Variants in POLR3B observed in about 807,000 individuals in gnomAD.
The protein encoded by POLR3B is RNA polymerase III subunit B, also known as DNA-directed RNA polymerase III subunit RPC2.
Under a neutral mutation model 147.4 loss-of-function variants are expected in POLR3B, and 96 were observed. That is an observed-to-expected ratio of 0.65 (90% CI 0.55 to 0.77). The LOEUF (loss-of-function observed/expected upper bound fraction) is 0.77. Among genes scored for constraint, POLR3B ranks in the 30% least tolerant of loss-of-function variants. POLR3B has a pLI of 0.00. For missense variants in POLR3B, 1,036 were observed against 1,413.5 expected (o/e 0.73, Z 4.28); for synonymous variants, 461 against 485.9 (o/e 0.95, Z 0.67).
At chr12:106,472,320 C>T (rs1247075655) in intron 23 of POLR3B, among the ~76,000 whole-genome samples, 151 of 150,792 alleles carry the variant, frequency 1.0e-3, no homozygotes, top group African/African-American at 3.6e-3. Flanking sequence ...CCACAATAAA[C>T]ATACGTGTGC....
chr12:106,471,319 G>A (rs1016691815), intron 23 of POLR3B, among the ~76,000 whole-genome samples: 1 of 152,158 alleles, frequency 6.6e-6, no homozygotes, highest in South Asian at 2.1e-4. Flanking sequence ...AGACCATGGG[G>A]AAAGCACAGT....
At chr12:106,366,755 G>T in intron 4 of POLR3B, 33 bp downstream of exon 4, 1 of 1,477,340 alleles carries the variant, frequency 6.8e-7, no homozygotes, top group African/African-American at 1.4e-5. Flanking sequence ...TTGCTATGTG[G>T]GTTACATCTA....
At chr12:106,459,149 G>T in intron 21 of POLR3B, 102 bp from the exon 22 acceptor site, 1 of 760,640 alleles carries the variant, frequency 1.3e-6, no homozygotes, top group East Asian at 2.5e-5. Context: ...GCAGCCTCCT[G>T]AGTTGTTGGG....
At position 106,457,282 on chromosome 12, in the gene POLR3B, G is replaced by T; in HGVS notation, c.2438G>T (p.Gly813Val). 2 of 1,613,490 alleles carry T rather than the reference G, an allele frequency of 1.2e-6. No individual in the cohort carries two copies. Among genetic ancestry groups the T allele is most frequent in the Non-Finnish European group, 1.7e-6 (2 of 1,179,544 alleles). The change falls in exon 21 of 28, where the codon GGT (glycine) becomes GTT (valine). Residue 813 changes from glycine (G) to valine (V), a missense_variant. This residue lies in a region of POLR3B where 202 missense variants were observed against 272.8 expected (regional missense o/e 0.74). Coordinates refer to ENST00000228347, the MANE Select transcript of POLR3B (RefSeq NM_018082.6). The stretch of plus-strand genomic sequence containing the variant: ...CGACATGAAATCTTAGATGCAGATG[G>T]TATTTGTTCTCCAGGTAAAAGCCTT... ...IWRHEILDAD[G>V]ICSPGEKVEN...
At chr12:106,472,013 TC>T (rs2038100044) in intron 23 of POLR3B, among the ~76,000 whole-genome samples, 1 of 88,518 alleles carries the variant, frequency 1.1e-5, no homozygotes, top group African/African-American at 4.9e-5. Flanking sequence ...CCCTCCCCCC[TC>T]CCCCTACCCC....
chr12:106,457,359 T>C (rs2037878749), intron 21 of POLR3B, 63 bp downstream of exon 21: 4 of 1,400,102 alleles, frequency 2.9e-6, no homozygotes, highest in Non-Finnish European at 4.0e-6. Flanking sequence ...TTCAATAATA[T>C]TTCTGAATAT....
intron 12 of POLR3B, among the ~76,000 whole-genome samples, chr12:106,418,886 G>A (rs111316285): frequency 0.021 from 3,246 of 152,234 alleles, 102 homozygotes; most frequent in African/African-American, 0.074. Flanking sequence ...CAGTATTTCT[G>A]TTGACTGTGT....
At position 106,510,182 on chromosome 12, in the gene POLR3B, TAA is replaced by T. The variant is rs1200850160; in HGVS notation, c.*635_*636del. ...GATTGTACCATGCAATACTATTCGT[TAA>T]ATATCTGAATCTAACCCCGTGGCTG... On this transcript the variant is annotated 3_prime_UTR_variant, in exon 28 of 28. Coordinates refer to ENST00000228347, the MANE Select transcript of POLR3B (RefSeq NM_018082.6). The T allele has an allele frequency of 6.5e-6, 1 of 153,448 alleles. No individual in the cohort carries two copies. Among genetic ancestry groups the T allele is most frequent in the East Asian group, 1.9e-4 (1 of 5,226 alleles). 9.5% of individuals were successfully genotyped at this position (153,448 alleles called of 1,614,324 possible).
At chr12:106,462,351 G>T (rs1474806363) in intron 22 of POLR3B, among the ~76,000 whole-genome samples, 1 of 152,274 alleles carries the variant, frequency 6.6e-6, no homozygotes, top group South Asian at 2.1e-4. Context: ...GGATTCAAGC[G>T]ATTCTCTTGC....
intron 24 of POLR3B, chr12:106,496,487 C>T: frequency 1.7e-6 from 1 of 599,222 alleles, no homozygotes; most frequent in South Asian, 2.0e-5. Flanking sequence ...GGCTCCACCT[C>T]TTACCAGCTG....
chr12:106,436,764 T>A (rs2037581987), intron 16 of POLR3B, among the ~76,000 whole-genome samples: 1 of 152,192 alleles, frequency 6.6e-6, no homozygotes. Context: ...GCCTTTTCAT[T>A]CAAAACCAAA....
At chr12:106,503,879 C>G (rs539189965) in intron 26 of POLR3B, among the ~76,000 whole-genome samples, 48 of 152,314 alleles carry the variant, frequency 3.2e-4, no homozygotes, top group African/African-American at 9.9e-4. Flanking sequence ...CATCTTTTCT[C>G]AATTGAGGCT....
chr12:106,390,219 G>GA (rs375447086), intron 9 of POLR3B, among the ~76,000 whole-genome samples: 30,891 of 118,872 alleles, frequency 0.26, 4,065 homozygotes, highest in African/African-American at 0.38. Flanking sequence ...CTCTGTCTCT[G>GA]AAAAAAAAAA....
intron 10 of POLR3B, among the ~76,000 whole-genome samples, chr12:106,395,795 C>A (rs1051787115): frequency 6.6e-6 from 1 of 151,974 alleles, no homozygotes; most frequent in South Asian, 2.1e-4. Flanking sequence ...CATGGTGAAA[C>A]CCCGCCTCTA....
intron 12 of POLR3B, among the ~76,000 whole-genome samples, chr12:106,418,464 G>C (rs2136944958): frequency 6.6e-6 from 1 of 152,296 alleles, no homozygotes; most frequent in South Asian, 2.1e-4. Context: ...CAGTTTGTGT[G>C]AAAAGGAGAA....
At chr12:106,486,287 CAAAAAAA>C (rs1195017160) in intron 23 of POLR3B, among the ~76,000 whole-genome samples, 26 of 28,278 alleles carry the variant, frequency 9.2e-4, no homozygotes, top group East Asian at 4.1e-3. Context: ...GACTCCGTCT[CAAAAAAA>C]AAAAAAAAAA....
intron 2 of POLR3B, among the ~76,000 whole-genome samples, chr12:106,364,311 C>T (rs1013207479): frequency 2.6e-5 from 4 of 152,196 alleles, no homozygotes; most frequent in South Asian, 4.1e-4. Context: ...CAGGAAATAG[C>T]GACCAGTCAA....
intron 23 of POLR3B, among the ~76,000 whole-genome samples, chr12:106,466,614 G>A (rs1303641831): frequency 5.3e-5 from 8 of 152,138 alleles, no homozygotes; most frequent in Non-Finnish European, 1.5e-5. Flanking sequence ...CATCCATCTT[G>A]AGTTGATTTT....
At chr12:106,362,467 T>C (rs1488052463) in intron 1 of POLR3B, among the ~76,000 whole-genome samples, 3 of 152,184 alleles carry the variant, frequency 2.0e-5, no homozygotes, top group Non-Finnish European at 2.9e-5. Context: ...GCTGGCTCCT[T>C]CTGAGGGCTA....
Sources: gnomAD v4.1 joint callset for allele counts (sites outside exome capture counted in the v4.1 genomes callset) on GRCh38, gnomAD v4.1.1 for gene constraint, gnomAD v4.1.1 regional missense constraint, MANE v1.5 for transcripts, NCBI Gene and HGNC (gene_info 2026-07-23, HGNC 2026-07-21) for gene names.